Variants in LYPLAL1 observed in about 807,000 individuals in gnomAD.
LYPLAL1 encodes the protein lysophospholipase-like protein 1.
Under a neutral mutation model 19.7 loss-of-function variants are expected in LYPLAL1, and 23 were observed. The ratio of observed to expected loss-of-function variants is 1.17; its 90% CI spans 0.84 to 1.65. The LOEUF (loss-of-function observed/expected upper bound fraction) is 1.65, where lower values mean the gene tolerates loss of function less well. Among genes scored for constraint, LYPLAL1 ranks in the 40% most tolerant of loss-of-function variants. The pLI, the probability that LYPLAL1 is intolerant of heterozygous loss-of-function variation, is 0.00. For missense variants in LYPLAL1, 355 were observed against 279.4 expected, an observed-to-expected ratio of 1.27 and a Z score of -1.93; for synonymous variants, 119 against 96.3, an observed-to-expected ratio of 1.24 and a Z score of -1.38.
intron 2 of LYPLAL1, among the ~76,000 whole-genome samples, chr1:219,188,014 A>G (rs1178929349): frequency 6.6e-6 from 1 of 151,650 alleles, no homozygotes; most frequent in Non-Finnish European, 1.5e-5. Flanking sequence ...TATAAGAGTT[A>G]AAGTCAAAAT....
the LYPLAL1 span, among the ~76,000 whole-genome samples, chr1:219,357,044 T>G: frequency 6.6e-6 from 1 of 152,208 alleles, no homozygotes; most frequent in Non-Finnish European, 1.5e-5. Context: ...TTTCCAAAAT[T>G]TTAATTTTCA....
chr1:219,228,384 GA>G, the LYPLAL1 span, among the ~76,000 whole-genome samples: 3 of 150,984 alleles, frequency 2.0e-5, no homozygotes, highest in South Asian at 2.1e-4. Context: ...CTAAAAGAAA[GA>G]AAAAAAAAGT....
chr1:219,248,514 A>G, the LYPLAL1 span, among the ~76,000 whole-genome samples: 1 of 152,136 alleles, frequency 6.6e-6, no homozygotes, highest in Admixed American at 6.6e-5. Flanking sequence ...ATTTCCAGAA[A>G]AGAAGTTATC....
At chr1:219,217,627 T>G (rs1659342466), downstream of LYPLAL1, among the ~76,000 whole-genome samples, 1 of 152,092 alleles carries the variant, frequency 6.6e-6, no homozygotes, top group Non-Finnish European at 1.5e-5. Context: ...TCATTCACCT[T>G]GAGATGGTGA....
chr1:219,336,358 A>G, the LYPLAL1 span, among the ~76,000 whole-genome samples: 4 of 151,878 alleles, frequency 2.6e-5, no homozygotes, highest in Non-Finnish European at 5.9e-5. Context: ...TTAATCTCCC[A>G]GAGATTCACA....
intron 2 of LYPLAL1, among the ~76,000 whole-genome samples, chr1:219,182,949 A>G (rs1486269630): frequency 6.6e-6 from 1 of 152,132 alleles, no homozygotes; most frequent in East Asian, 1.9e-4. Context: ...CAGTATTTAT[A>G]GAAATGAGTG....
At chr1:219,399,244 G>A in the LYPLAL1 span, among the ~76,000 whole-genome samples, 477 of 152,298 alleles carry the variant, frequency 3.1e-3, 3 homozygotes, top group Middle Eastern at 0.014. Flanking sequence ...GGCACTGGTG[G>A]GCACAGGTCT....
the LYPLAL1 span, among the ~76,000 whole-genome samples, chr1:219,339,859 T>C: frequency 3.3e-5 from 5 of 152,148 alleles, no homozygotes; most frequent in African/African-American, 1.2e-4. Flanking sequence ...AAAGGCTAGC[T>C]TGAGAGACTT....
the LYPLAL1 span, among the ~76,000 whole-genome samples, chr1:219,308,414 T>C: frequency 2.6e-5 from 4 of 152,250 alleles, no homozygotes; most frequent in African/African-American, 9.6e-5. Context: ...AGCTGAATTT[T>C]AATCCCCAAG....
the LYPLAL1 span, among the ~76,000 whole-genome samples, chr1:219,366,035 A>G: frequency 6.6e-6 from 1 of 152,156 alleles, no homozygotes; most frequent in Non-Finnish European, 1.5e-5. Flanking sequence ...AGCTAATTCT[A>G]CAACTGAAAA....
At chr1:219,250,033 A>G in the LYPLAL1 span, among the ~76,000 whole-genome samples, 3 of 151,920 alleles carry the variant, frequency 2.0e-5, no homozygotes, top group Non-Finnish European at 4.4e-5. Flanking sequence ...ATTTAAGCCA[A>G]TTTATTAATT....
chr1:219,238,398 G>A, the LYPLAL1 span, among the ~76,000 whole-genome samples: 3 of 143,266 alleles, frequency 2.1e-5, no homozygotes, highest in Non-Finnish European at 4.5e-5. Context: ...TGATCTGCTC[G>A]TCTCGGCCTC....
the LYPLAL1 span, among the ~76,000 whole-genome samples, chr1:219,440,735 A>G: frequency 6.6e-6 from 1 of 152,290 alleles, no homozygotes; most frequent in African/African-American, 2.4e-5. Context: ...CCAATACTTC[A>G]AGTCAACCAA....
At chr1:219,198,105 A>T (rs1272222037) in intron 3 of LYPLAL1, among the ~76,000 whole-genome samples, 1 of 152,134 alleles carries the variant, frequency 6.6e-6, no homozygotes, top group Non-Finnish European at 1.5e-5. Context: ...GATGATTTTT[A>T]AAAATCAGTG....
At chr1:219,275,312 G>A in the LYPLAL1 span, among the ~76,000 whole-genome samples, 1 of 152,004 alleles carries the variant, frequency 6.6e-6, no homozygotes, top group Non-Finnish European at 1.5e-5. Context: ...ATCAGTCTTC[G>A]GGCACATCCT....
the LYPLAL1 span, among the ~76,000 whole-genome samples, chr1:219,391,785 C>G: frequency 2.0e-5 from 3 of 151,966 alleles, no homozygotes; most frequent in Non-Finnish European, 4.4e-5. Flanking sequence ...ACTCTTTTTT[C>G]TCAAACCCCT....
At chr1:219,420,003 G>A in the LYPLAL1 span, among the ~76,000 whole-genome samples, 1 of 152,178 alleles carries the variant, frequency 6.6e-6, no homozygotes, top group Non-Finnish European at 1.5e-5. Flanking sequence ...GCTTGGGAAA[G>A]GGAACAACTA....
the LYPLAL1 span, among the ~76,000 whole-genome samples, chr1:219,402,180 C>A: frequency 5.3e-5 from 8 of 151,952 alleles, no homozygotes; most frequent in Non-Finnish European, 8.8e-5. Flanking sequence ...CTGTTATTTC[C>A]AAGTTTCTGT....
rs748516284 is a variant in LYPLAL1 at position 219,173,945 on chromosome 1, AG to A, written c.57del (p.Arg19SerfsTer6). The part of the protein sequence containing the change: ...LQRCIVSPAG[R>X]HSASLIFLHG... ...GCGCTGTATCGTGTCGCCGGCAGGG[AG>A]GCATAGCGCCTCTCTGATCTTCCTG... On this transcript the variant is annotated frameshift_variant, in exon 1 of 5. Transcript: ENST00000366928. LOFTEE classifies it high-confidence loss of function. 100 of 1,613,886 alleles carry A rather than the reference AG, an allele frequency of 6.2e-5. 1 individual carries two copies. The South Asian group carries it at 1.0e-3, about 16-fold the overall frequency.
Sources: allele counts gnomAD v4.1 joint callset (sites outside exome capture counted in the v4.1 genomes callset), GRCh38; gene constraint gnomAD v4.1.1; transcripts MANE v1.5; gene names NCBI Gene and HGNC (gene_info 2026-07-23, HGNC 2026-07-21).